Variants in PNPLA8 observed in about 807,000 individuals in gnomAD.
PNPLA8 encodes patatin like domain 8, phospholipase A2, also known as calcium-independent phospholipase A2-gamma.
PNPLA8 carries 39 observed loss-of-function variants against 76.9 expected under a neutral mutation model. That is an observed-to-expected ratio of 0.51 (90% CI 0.39 to 0.66). PNPLA8 has a LOEUF of 0.66. Among genes scored for constraint, PNPLA8 ranks in the 30% least tolerant of loss-of-function variants. The probability of loss-of-function intolerance (pLI) is 0.00; values close to 1 mark genes in which losing one functional copy is unlikely to be tolerated. For missense variants in PNPLA8, 887 were observed against 918.0 expected (o/e 0.97, Z 0.44); for synonymous variants, 301 against 307.9 (o/e 0.98, Z 0.24).
At chr7:108,479,478 T>A in intron 9 of PNPLA8, 99 bp from the exon 10 acceptor site, 1 of 808,264 alleles carries the variant, frequency 1.2e-6, no homozygotes, top group Non-Finnish European at 1.9e-6. Flanking sequence ...ACCAAGAGGT[T>A]CCTTAAAAGT....
intron 4 of PNPLA8, among the ~76,000 whole-genome samples, chr7:108,505,565 G>A (rs1420559862): frequency 6.6e-6 from 1 of 150,806 alleles, no homozygotes; most frequent in African/African-American, 2.4e-5. Flanking sequence ...GTTTCACCAC[G>A]TTGGCCAGGA....
chr7:108,481,628 C>T (rs1043752048), intron 9 of PNPLA8, among the ~76,000 whole-genome samples: 5 of 152,112 alleles, frequency 3.3e-5, no homozygotes, highest in Admixed American at 6.6e-5. Context: ...TCCTGTATGT[C>T]GCTTGTCTCC....
intron 8 of PNPLA8, among the ~76,000 whole-genome samples, chr7:108,489,588 A>G (rs1397039757): frequency 6.6e-6 from 1 of 152,196 alleles, no homozygotes; most frequent in Non-Finnish European, 1.5e-5. Flanking sequence ...TGATTATTTC[A>G]TTAATACCTA....
At chr7:108,493,292 A>AT (rs1229068804) in intron 7 of PNPLA8, among the ~76,000 whole-genome samples, 1 of 152,240 alleles carries the variant, frequency 6.6e-6, no homozygotes, top group African/African-American at 2.4e-5. Context: ...AGATACTCTC[A>AT]TAAGTAACAA....
At chr7:108,514,368 C>T in intron 3 of PNPLA8, 68 bp downstream of exon 3, 1 of 1,534,846 alleles carries the variant, frequency 6.5e-7, no homozygotes, top group East Asian at 2.2e-5. Flanking sequence ...TCTTAGTTCT[C>T]ATTAGGAAAT....
At chr7:108,484,428 T>C (rs1370039966) in intron 9 of PNPLA8, among the ~76,000 whole-genome samples, 1 of 152,122 alleles carries the variant, frequency 6.6e-6, no homozygotes, top group South Asian at 2.1e-4. Context: ...TCTCACTTTG[T>C]TGCAGCAGGC....
chr7:108,473,006 C>A (rs1598855195), intron 10 of PNPLA8, among the ~76,000 whole-genome samples: 1 of 152,154 alleles, frequency 6.6e-6, no homozygotes, highest in Non-Finnish European at 1.5e-5. Context: ...ATATCATTTA[C>A]ATCCAGTGCA....
At chr7:108,500,345 A>G (rs1389556093) in intron 5 of PNPLA8, among the ~76,000 whole-genome samples, 1 of 152,210 alleles carries the variant, frequency 6.6e-6, no homozygotes, top group East Asian at 1.9e-4. Flanking sequence ...CTTTATCTGT[A>G]TCACATGAAT....
At chr7:108,480,998 T>C (rs553350871) in intron 9 of PNPLA8, among the ~76,000 whole-genome samples, 1 of 152,316 alleles carries the variant, frequency 6.6e-6, no homozygotes, top group African/African-American at 2.4e-5. Context: ...TTAAACTGCC[T>C]TCTCTTTCTG....
rs187573747 is a variant in PNPLA8 at position 108,505,972 on chromosome 7, C to T, written c.1207-3330G>A. ...TAGGTACTTCACAAGGAAGTATAAACATGGCCAATAAACCCTGGAAAAGAT... is the reference window on the plus strand; with the variant it reads ...TAGGTACTTCACAAGGAAGTATAAATATGGCCAATAAACCCTGGAAAAGAT... On this transcript the variant is annotated intron_variant, in intron 4 of 10. Transcript: ENST00000257694. Among the ~76,000 whole-genome samples, 866 of 152,258 alleles carry T rather than the reference C, an allele frequency of 5.7e-3. 1 individual carries two copies. The highest frequency in any genetic ancestry group is 7.7e-3 in the Non-Finnish European group (525 of 68,012).
chr7:108,474,246 A>G (rs770581589), intron 10 of PNPLA8, among the ~76,000 whole-genome samples: 2 of 152,130 alleles, frequency 1.3e-5, no homozygotes, highest in Non-Finnish European at 2.9e-5. Flanking sequence ...ACCCAAGGTC[A>G]TTAAGATTTT....
intron 9 of PNPLA8, among the ~76,000 whole-genome samples, chr7:108,484,634 A>AT (rs1287308221): frequency 6.6e-6 from 1 of 152,098 alleles, no homozygotes; most frequent in Non-Finnish European, 1.5e-5. Context: ...TCAATGACCC[A>AT]TTTTTTATAC....
At chr7:108,494,037 T>C (rs1387752879) in intron 7 of PNPLA8, among the ~76,000 whole-genome samples, 1 of 152,040 alleles carries the variant, frequency 6.6e-6, no homozygotes, top group African/African-American at 2.4e-5. Flanking sequence ...GTTAAATAAA[T>C]GGAGCTGGGA....
chr7:108,526,579 G>A (rs1342139205), upstream of PNPLA8, among the ~76,000 whole-genome samples: 1 of 152,252 alleles, frequency 6.6e-6, no homozygotes, highest in Admixed American at 6.5e-5. Flanking sequence ...TGAGTTCCTT[G>A]GAGCTGGGGG....
At chr7:108,516,975 G>A (rs1301515016) in intron 2 of PNPLA8, among the ~76,000 whole-genome samples, 1 of 151,746 alleles carries the variant, frequency 6.6e-6, no homozygotes, top group Admixed American at 6.6e-5. Flanking sequence ...AAGACAACGA[G>A]GCAGAGATTG....
At chr7:108,512,592 T>C (rs1863017483) in intron 4 of PNPLA8, among the ~76,000 whole-genome samples, 1 of 152,204 alleles carries the variant, frequency 6.6e-6, no homozygotes, top group South Asian at 2.1e-4. Flanking sequence ...TTGATACAGA[T>C]GTTTTATAAA....
intron 4 of PNPLA8, among the ~76,000 whole-genome samples, chr7:108,512,439 T>TA (rs1197255899): frequency 6.6e-6 from 1 of 152,128 alleles, no homozygotes; most frequent in Non-Finnish European, 1.5e-5. Flanking sequence ...GTGAAAAAAT[T>TA]ATCACAGACA....
intron 4 of PNPLA8, chr7:108,510,245 G>A: frequency 2.0e-6 from 3 of 1,473,902 alleles, no homozygotes; most frequent in East Asian, 2.3e-5. Flanking sequence ...GGTGGGTGTA[G>A]AAGAGAAGAA....
At chr7:108,516,610 T>C (rs1863361062) in intron 2 of PNPLA8, among the ~76,000 whole-genome samples, 1 of 152,164 alleles carries the variant, frequency 6.6e-6, no homozygotes, top group Non-Finnish European at 1.5e-5. Context: ...TCATTAATAT[T>C]AAAAACTTCT....
Sources: allele counts gnomAD v4.1 joint callset (sites outside exome capture counted in the v4.1 genomes callset), GRCh38; gene constraint gnomAD v4.1.1; transcripts MANE v1.5; gene names NCBI Gene and HGNC (gene_info 2026-07-23, HGNC 2026-07-21).